Variants in DEUP1 observed in about 807,000 individuals in gnomAD.
DEUP1 encodes coiled-coil domain containing 67.
In DEUP1, 82 loss-of-function variants were observed where a neutral mutation model predicts 87.4. The ratio of observed to expected loss-of-function variants is 0.94; its 90% CI spans 0.78 to 1.13. The LOEUF is 1.13. Among genes scored for constraint, DEUP1 ranks in the 50% most tolerant of loss-of-function variants. The pLI, the probability that DEUP1 is intolerant of heterozygous loss-of-function variation, is 0.00. For missense variants in DEUP1, 663 were observed against 681.5 expected (o/e 0.97, Z 0.30); for synonymous variants, 214 against 222.7 (o/e 0.96, Z 0.35).
At chr11:93,344,082 G>GT (rs1269187771) in intron 2 of DEUP1, among the ~76,000 whole-genome samples, 1 of 152,104 alleles carries the variant, frequency 6.6e-6, no homozygotes, top group Non-Finnish European at 1.5e-5. Flanking sequence ...TTAAACAAGA[G>GT]TTTTCATGAA....
At chr11:93,435,905 A>G (rs1477038179) in intron 13 of DEUP1, among the ~76,000 whole-genome samples, 1 of 151,648 alleles carries the variant, frequency 6.6e-6, no homozygotes, top group Non-Finnish European at 1.5e-5. Context: ...CTGAGGCAGG[A>G]GAATGGCGTG....
intron 2 of DEUP1, among the ~76,000 whole-genome samples, chr11:93,348,846 A>G (rs1944486279): frequency 6.6e-6 from 1 of 152,198 alleles, no homozygotes. Flanking sequence ...TTGGCTAACA[A>G]GTCATATGAT....
At chr11:93,348,902 C>T (rs1256788993) in intron 2 of DEUP1, among the ~76,000 whole-genome samples, 1 of 152,140 alleles carries the variant, frequency 6.6e-6, no homozygotes, top group Non-Finnish European at 1.5e-5. Context: ...CATACACACG[C>T]AGCAGGTAAT....
intron 13 of DEUP1, among the ~76,000 whole-genome samples, chr11:93,417,020 G>T (rs999424657): frequency 1.3e-5 from 2 of 151,446 alleles, no homozygotes; most frequent in African/African-American, 4.9e-5. Flanking sequence ...GGTATACATG[G>T]GACGTATCTC....
chr11:93,394,572 A>C lies in DEUP1; in HGVS notation c.1155A>C (p.Ala385=). 2 of 1,613,360 alleles carry C rather than the reference A, an allele frequency of 1.2e-6. No homozygotes were observed. The highest frequency in any genetic ancestry group is 1.7e-6 in the Non-Finnish European group (2 of 1,179,634). Reference sequence around the variant, plus strand: ...TTCATCAGAAGGAGATCACTATAGCAACTGTCACAAAGAAAGCTGCCCTTC... The same window carrying C: ...TTCATCAGAAGGAGATCACTATAGCCACTGTCACAAAGAAAGCTGCCCTTC... ...EELHQKEITI[A]TVTKKAALLE... The change falls in exon 10 of 14, where the codon GCA becomes GCC. Residue 385 remains alanine (A), a synonymous_variant. Coordinates refer to ENST00000298050, the MANE Select transcript of DEUP1 (RefSeq NM_181645.4).
At position 93,371,299 on chromosome 11, in the gene DEUP1, T is replaced by G; in HGVS notation, c.789+19T>G. 4 of 1,603,648 alleles carry G rather than the reference T, an allele frequency of 2.5e-6. No individual in the cohort carries two copies. Among genetic ancestry groups the G allele is most frequent in the Non-Finnish European group, 2.6e-6 (3 of 1,175,446 alleles). ...GTGCCAGGTGAAGATTAATTTTTTT[T>G]CAACTAATATTGTCCATGACTTGTA... On this transcript the variant is annotated intron_variant, in intron 7 of 13. Transcript: ENST00000298050.
At chr11:93,420,334 T>C (rs536286263) in intron 13 of DEUP1, among the ~76,000 whole-genome samples, 1 of 152,306 alleles carries the variant, frequency 6.6e-6, no homozygotes, top group African/African-American at 2.4e-5. Context: ...TCTCAATAGA[T>C]GCAGAAAAGG....
rs771956136 is a variant in DEUP1 at position 93,408,242 on chromosome 11, C to A, written c.1338C>A (p.Phe446Leu). The A allele has an allele frequency of 6.4e-7, 1 of 1,570,376 alleles. No individual in the cohort carries two copies. The highest frequency in any genetic ancestry group is 1.2e-5 in the South Asian group (1 of 84,468). The change falls in exon 12 of 14, where the codon TTC becomes TTA. Residue 446 changes from phenylalanine (F) to leucine (L), a missense_variant. Transcript: ENST00000298050. ...ATTTTATTCTCTAGAGTATGGACTT[C>A]ACTAACAGGGAACAGTCAAGGCATA... Reference protein sequence around the residue: ...LDPGEYMSMDFTNREQSRHTS... With the variant: ...LDPGEYMSMDLTNREQSRHTS...
chr11:93,415,165 C>T (rs777237219), intron 13 of DEUP1, 51 bp downstream of exon 13: 2 of 1,055,066 alleles, frequency 1.9e-6, no homozygotes, highest in East Asian at 4.8e-5. Flanking sequence ...TATTGCTTTA[C>T]TCTTACACTG....
At chr11:93,393,565 T>A (rs1165677981) in intron 9 of DEUP1, among the ~76,000 whole-genome samples, 2 of 152,180 alleles carry the variant, frequency 1.3e-5, no homozygotes, top group Non-Finnish European at 2.9e-5. Flanking sequence ...TATCCTGTCA[T>A]CCCTAGGCTG....
At chr11:93,347,435 T>C (rs1944410594) in intron 2 of DEUP1, among the ~76,000 whole-genome samples, 1 of 152,196 alleles carries the variant, frequency 6.6e-6, no homozygotes, top group South Asian at 2.1e-4. Flanking sequence ...TTGTTGAGGA[T>C]TTTTGCATCT....
intron 11 of DEUP1, 88 bp from the exon 12 acceptor site, chr11:93,408,143 C>T: frequency 1.0e-6 from 1 of 975,442 alleles, no homozygotes; most frequent in South Asian, 2.1e-5. Flanking sequence ...ATGAAAGGGC[C>T]TTTCCAGCAC....
intron 7 of DEUP1, among the ~76,000 whole-genome samples, chr11:93,381,660 T>C (rs1372281424): frequency 6.6e-6 from 1 of 152,184 alleles, no homozygotes; most frequent in African/African-American, 2.4e-5. Flanking sequence ...CTAATATCTA[T>C]GACAGAAAAG....
chr11:93,428,141 C>T (rs1322544365), intron 13 of DEUP1, among the ~76,000 whole-genome samples: 1 of 152,118 alleles, frequency 6.6e-6, no homozygotes, highest in Non-Finnish European at 1.5e-5. Context: ...AAGACACATG[C>T]ACATGTATGT....
At chr11:93,362,570 G>A (rs958958385) in intron 4 of DEUP1, among the ~76,000 whole-genome samples, 21 of 151,834 alleles carry the variant, frequency 1.4e-4, no homozygotes, top group Admixed American at 1.2e-3. Flanking sequence ...GAGAGGATAT[G>A]GAGACATTGT....
At chr11:93,393,483 G>A (rs930787436) in intron 9 of DEUP1, among the ~76,000 whole-genome samples, 1 of 151,852 alleles carries the variant, frequency 6.6e-6, no homozygotes, top group Admixed American at 6.6e-5. Flanking sequence ...CACCACGCCC[G>A]GCTAGAGCAT....
At chr11:93,372,632 A>C (rs1945796772) in intron 7 of DEUP1, among the ~76,000 whole-genome samples, 1 of 152,178 alleles carries the variant, frequency 6.6e-6, no homozygotes, top group Non-Finnish European at 1.5e-5. Flanking sequence ...GACAGAATTC[A>C]AGGCTCCCAG....
At chr11:93,388,633 T>C (rs1280438558) in intron 8 of DEUP1, among the ~76,000 whole-genome samples, 1 of 152,226 alleles carries the variant, frequency 6.6e-6, no homozygotes, top group Non-Finnish European at 1.5e-5. Context: ...TCTCATGACA[T>C]AGTTCCTTTC....
chr11:93,355,770 T>C (rs1364166439), intron 3 of DEUP1, among the ~76,000 whole-genome samples: 2 of 152,212 alleles, frequency 1.3e-5, no homozygotes, highest in Non-Finnish European at 2.9e-5. Flanking sequence ...ATAGTGTCAA[T>C]GCCATCTGTA....
Sources: gnomAD v4.1 joint callset for allele counts (sites outside exome capture counted in the v4.1 genomes callset) on GRCh38, gnomAD v4.1.1 for gene constraint, MANE v1.5 for transcripts, NCBI Gene and HGNC (gene_info 2026-07-23, HGNC 2026-07-21) for gene names.